CEP97: variants seen among roughly 807,000 people sequenced by gnomAD.
CEP97 encodes centrosomal protein of 97 kDa.
A neutral mutation model predicts 73.1 loss-of-function variants in CEP97; 43 were observed. The ratio of observed to expected loss-of-function variants is 0.59; its 90% confidence interval spans 0.46 to 0.76. The LOEUF is 0.76. Ranked by LOEUF, CEP97 falls within the 30% of genes least tolerant of loss-of-function variation. CEP97 has a pLI of 0.00. For missense variants in CEP97, 939 were observed against 1,014.0 expected (o/e 0.93, Z 1.00); for synonymous variants, 337 against 370.0 (o/e 0.91, Z 1.02).
Position 101,732,541 on chromosome 3 carries a change from TCC to T in CEP97, c.616_617del (p.Pro206LeufsTer12). The T allele has an allele frequency of 6.2e-7, 1 of 1,613,902 alleles. No individual in the cohort carries two copies. The highest frequency in any genetic ancestry group is 8.5e-7 in the Non-Finnish European group (1 of 1,179,772). ...TGGAACAGTTGTCGATTATGAACAATCCTTGTGTGATGGCAACACCATCCATC... is the reference window on the plus strand; with the variant it reads ...TGGAACAGTTGTCGATTATGAACAATTTGTGTGATGGCAACACCATCCATC... ...ELEQLSIMNN[P>X]CVMATPSIPG... On this transcript the variant is annotated frameshift_variant, in exon 6 of 11. Coordinates refer to ENST00000341893, the MANE Select transcript of CEP97 (RefSeq NM_024548.4). LOFTEE classifies it high-confidence loss of function.
In CEP97 at chr3:101,749,622, G is replaced by C. The variant is rs1938739495; in HGVS notation, c.729-5808G>C. 6.0e-5 allele frequency among the ~76,000 whole-genome samples: 8 copies of C among 134,170 alleles called. No homozygotes were observed. The South Asian group carries it at 2.0e-3, about 33-fold the overall frequency. 88.0% of individuals were successfully genotyped at this position (134,170 alleles called of 152,430 possible). A position where few individuals can be genotyped will look rare whatever the true frequency, so the allele number is the denominator to read the frequency against. ...TTACAGTCCCACCAACAGTGTAAAA[G>C]TGTTCCTATTTCTCCACATCCTCTC... On this transcript the variant is annotated intron_variant, in intron 6 of 10. Transcript: ENST00000341893.
intron 6 of CEP97, among the ~76,000 whole-genome samples, chr3:101,735,664 C>T (rs764278446): frequency 3.9e-5 from 6 of 152,154 alleles, no homozygotes; most frequent in African/African-American, 7.2e-5. Context: ...TGTACTCTGG[C>T]CCAGAAACTA....
intron 6 of CEP97, among the ~76,000 whole-genome samples, chr3:101,738,636 T>C (rs1383435821): frequency 2.0e-5 from 3 of 152,132 alleles, no homozygotes; most frequent in Admixed American, 2.0e-4. Flanking sequence ...TTGAAACCAA[T>C]GAGAACAAAG....
chr3:101,742,632 G>A (rs1038121890), intron 6 of CEP97, among the ~76,000 whole-genome samples: 3 of 151,932 alleles, frequency 2.0e-5, no homozygotes, highest in Admixed American at 2.0e-4. Flanking sequence ...AATACCTAAT[G>A]TAGGTGACGA....
chr3:101,734,652 A>G (rs1199083976), intron 6 of CEP97, among the ~76,000 whole-genome samples: 1 of 152,156 alleles, frequency 6.6e-6, no homozygotes, highest in Non-Finnish European at 1.5e-5. Flanking sequence ...TGCCTACAGG[A>G]AAGGGTGGCT....
Position 101,768,834 on chromosome 3 carries a change from ACT to A in CEP97, c.*3287_*3288del, listed in dbSNP as rs1344750854. 1.3e-5 allele frequency: 2 copies of A among 152,208 alleles called. No homozygotes were observed. Among genetic ancestry groups the A allele is most frequent in the African/African-American group, 2.4e-5 (1 of 41,448 alleles). The allele number at this position is 152,208 out of a possible 1,614,324, so 9.4% of individuals were successfully genotyped here. ...TTGTAGAACAGATGTTAAAATGTTA[ACT>A]CTCCTGGTGTGCAGAAAGCTGTAAT... On this transcript the variant is annotated 3_prime_UTR_variant, in exon 11 of 11. Transcript: ENST00000341893.
chr3:101,762,559 A>G lies in CEP97; in HGVS notation c.1892A>G (p.Gln631Arg). The change falls in exon 10 of 11, where the codon CAG becomes CGG. Residue 631 changes from glutamine (Q) to arginine (R), a missense_variant and splice_region_variant. Coordinates refer to ENST00000341893, the MANE Select transcript of CEP97 (RefSeq NM_024548.4). The part of the protein sequence containing the change: ...QEEAFRFLWN[Q>R]VRSLQVWQQT... ...GAAGCTTTCAGATTCCTTTGGAACC[A>G]GGTAAACTCCCTCCTGCTGATTTAC... The G allele has an allele frequency of 1.2e-6, 2 of 1,606,386 alleles. No homozygotes were observed. The highest frequency in any genetic ancestry group is 2.2e-5 in the East Asian group (1 of 44,626).
At chr3:101,730,231 TTTTTGTTTTGTTTTG>T (rs55873092) in intron 4 of CEP97, among the ~76,000 whole-genome samples, 39,657 of 144,602 alleles carry the variant, frequency 0.27, 6,775 homozygotes, top group Non-Finnish European at 0.31. Flanking sequence ...CGAGTCTGTT[TTTTTGTTTTGTTTTG>T]TTTTGTTTTG....
chr3:101,727,363 A>ATTT lies in CEP97; in HGVS notation c.187-20_187-19insTTT. The ATTT allele has an allele frequency of 1.9e-6, 3 of 1,594,778 alleles. No individual in the cohort carries two copies. In the Admixed American group the frequency reaches 5.2e-5, roughly 28 times the overall value. On this transcript the variant is annotated intron_variant, in intron 2 of 10. Coordinates refer to ENST00000341893, the MANE Select transcript of CEP97 (RefSeq NM_024548.4). ...TATATATGTTATTCCTAAAAATAAC[A>ATTT]ATATGTTTCCTTTTTACAGTTATCA...
chr3:101,766,149 T>G lies in CEP97; in HGVS notation c.*598T>G, dbSNP rs1055818602. On this transcript the variant is annotated 3_prime_UTR_variant, in exon 11 of 11. Coordinates refer to ENST00000341893, the MANE Select transcript of CEP97 (RefSeq NM_024548.4). ...TATAAGATTTCTCAATGGGGATGAT[T>G]AAATTGTCTCATGGAAAACTTCAGT... is the stretch of plus-strand genomic sequence containing the variant. 5 of 152,234 alleles carry G rather than the reference T, an allele frequency of 3.3e-5. No homozygotes were observed. The highest frequency in any genetic ancestry group is 9.6e-5 in the African/African-American group (4 of 41,466). 9.4% of individuals were successfully genotyped at this position (152,234 alleles called of 1,614,324 possible).
intron 2 of CEP97, among the ~76,000 whole-genome samples, 164 bp from the exon 3 acceptor site, chr3:101,727,219 A>C (rs775821951): frequency 7.2e-5 from 11 of 152,234 alleles, no homozygotes; most frequent in Non-Finnish European, 1.2e-4. Flanking sequence ...AATAACAAAA[A>C]ACTGATAGTC....
intron 2 of CEP97, 37 bp downstream of exon 2, chr3:101,726,773 C>G (rs369551283): frequency 2.1e-6 from 3 of 1,444,360 alleles, no homozygotes; most frequent in Non-Finnish European, 1.9e-6. Context: ...TACATAGGAT[C>G]AATTTATTAT....
intron 9 of CEP97, among the ~76,000 whole-genome samples, chr3:101,761,985 G>C (rs974535752): frequency 6.6e-6 from 1 of 152,162 alleles, no homozygotes; most frequent in Non-Finnish European, 1.5e-5. Context: ...GAGACCTGGG[G>C]AAACAGAATA....
intron 3 of CEP97, 92 bp downstream of exon 3, chr3:101,727,633 C>G (rs1937942325): frequency 3.0e-6 from 3 of 1,015,926 alleles, no homozygotes; most frequent in Admixed American, 4.9e-5. Flanking sequence ...TGAAAGTACC[C>G]ACTCCCACTC....
Position 101,757,673 on chromosome 3 carries a change from G to A in CEP97, c.1067G>A (p.Ser356Asn). The A allele has an allele frequency of 6.2e-7, 1 of 1,614,174 alleles. No individual in the cohort carries two copies. The highest frequency in any genetic ancestry group is 8.5e-7 in the Non-Finnish European group (1 of 1,180,024). ...IQVNSWVGIN[S>N]NDDQLFAVKN... ...GTGAATTCTTGGGTTGGGATAAACA[G>A]TAATGATGATCAGTTATTTGCGGTT... The change falls in exon 9 of 11, where the codon AGT becomes AAT. Residue 356 changes from serine (S) to asparagine (N), a missense_variant. Physicochemically the swap from Ser to Asn is conservative, Grantham distance 46. Transcript: ENST00000341893.
chr3:101,757,184 T>A lies in CEP97; in HGVS notation c.1015T>A (p.Ser339Thr). 3.1e-6 allele frequency: 5 copies of A among 1,604,284 alleles called. No individual in the cohort carries two copies. The highest frequency in any genetic ancestry group is 4.2e-6 in the Non-Finnish European group (5 of 1,177,512). The change falls in exon 8 of 11, where the codon TCC becomes ACC. Residue 339 changes from serine (S) to threonine (T), a missense_variant. Ser to Thr is a moderately conservative substitution (Grantham distance 58). Transcript: ENST00000341893. ...AAGCCCTGTTCAAGATTGCCAGATA[T>A]CCCAGGAAAGTGGTAAGAAATGAAT... Reference protein sequence around the residue: ...HSSPVQDCQISQESEPVIQVN... With the variant: ...HSSPVQDCQITQESEPVIQVN...
At chr3:101,727,822 A>G (rs933712719) in intron 3 of CEP97, among the ~76,000 whole-genome samples, 4 of 152,210 alleles carry the variant, frequency 2.6e-5, no homozygotes, top group Non-Finnish European at 5.9e-5. Flanking sequence ...CTTTAAGTAA[A>G]TGTTTAATGC....
intron 10 of CEP97, among the ~76,000 whole-genome samples, 163 bp from the exon 11 acceptor site, chr3:101,764,684 G>C (rs1431423257): frequency 6.6e-6 from 1 of 151,980 alleles, no homozygotes; most frequent in Non-Finnish European, 1.5e-5. Flanking sequence ...AGGCAGAGGT[G>C]GGGTGGGAGG....
intron 7 of CEP97, 102 bp downstream of exon 7, chr3:101,755,696 A>G: frequency 8.9e-7 from 1 of 1,122,632 alleles, no homozygotes. Context: ...TGCGGCCCAC[A>G]TTTCTGGACA....
Sources: gnomAD v4.1 joint callset for allele counts (sites outside exome capture counted in the v4.1 genomes callset) on GRCh38, gnomAD v4.1.1 for gene constraint, MANE v1.5 for transcripts, NCBI Gene and HGNC (gene_info 2026-07-23, HGNC 2026-07-21) for gene names.